The following ARSG variants were observed in gnomAD, a reference collection of about 807,000 sequenced individuals.
The protein encoded by ARSG is ASG.
In ARSG, 37 loss-of-function variants were observed where a neutral mutation model predicts 50.5. The ratio of observed to expected loss-of-function variants is 0.73; its 90% CI spans 0.56 to 0.96. The LOEUF (loss-of-function observed/expected upper bound fraction) is 0.96, where lower values mean the gene tolerates loss of function less well. Ranked by LOEUF, ARSG falls within the 50% of genes least tolerant of loss-of-function variation. ARSG has a pLI of 0.00. For synonymous variants in ARSG, 225 were observed against 254.6 expected (o/e 0.88, Z 1.11); for missense variants, 629 against 675.3 (o/e 0.93, Z 0.76).
rs146263957 is a variant in ARSG at position 68,343,652 on chromosome 17, T to A, written c.267T>A (p.Ala89=). The A allele has an allele frequency of 5.6e-6, 9 of 1,613,902 alleles. No individual in the cohort carries two copies. The African/African-American group carries it at 9.3e-5, about 17-fold the overall frequency. ...CCTCCACCTGCTCACCCTCCCGGGC[T>A]TCCTTGCTCACCGGCCGGCTTGGCC... ...AAASTCSPSR[A]SLLTGRLGLR... The change falls in exon 3 of 12, where the codon GCT becomes GCA. Residue 89 remains alanine, a synonymous_variant. Transcript: ENST00000621439.
At chr17:68,406,728 C>T (rs375513866) in intron 11 of ARSG, among the ~76,000 whole-genome samples, 1 of 151,964 alleles carries the variant, frequency 6.6e-6, no homozygotes, top group Admixed American at 6.6e-5. Context: ...GGTATTGTTT[C>T]TTTCTTGCTG....
At chr17:68,389,725 C>G (rs755010533) in intron 9 of ARSG, among the ~76,000 whole-genome samples, 1 of 152,114 alleles carries the variant, frequency 6.6e-6, no homozygotes, top group Non-Finnish European at 1.5e-5. Context: ...AAGCAAACCT[C>G]TCCTGCCTCT....
At chr17:68,435,084 G>C in the ARSG span, among the ~76,000 whole-genome samples, 1 of 152,044 alleles carries the variant, frequency 6.6e-6, no homozygotes, top group Non-Finnish European at 1.5e-5. Flanking sequence ...GCATGTGCCT[G>C]TAATCTCAGC....
chr17:68,348,131 C>T (rs971361247), intron 4 of ARSG, among the ~76,000 whole-genome samples: 1 of 152,184 alleles, frequency 6.6e-6, no homozygotes, highest in African/African-American at 2.4e-5. Flanking sequence ...CCCTCTCCTC[C>T]CTTGAGCCCC....
At chr17:68,336,165 C>G (rs747939693) in intron 2 of ARSG, among the ~76,000 whole-genome samples, 17 of 151,738 alleles carry the variant, frequency 1.1e-4, no homozygotes, top group Non-Finnish European at 2.4e-4. Flanking sequence ...TCCCAAAGTG[C>G]TGGGATTACA....
chr17:68,376,260 G>T (rs893943738), intron 8 of ARSG, among the ~76,000 whole-genome samples: 2 of 141,896 alleles, frequency 1.4e-5, no homozygotes, highest in Non-Finnish European at 3.0e-5. Context: ...ACAGGAGTGT[G>T]CCACTGCGCC....
At chr17:68,321,211 G>C (rs2077269998) in intron 2 of ARSG, among the ~76,000 whole-genome samples, 1 of 152,104 alleles carries the variant, frequency 6.6e-6, no homozygotes. Flanking sequence ...AAAAGAAAAA[G>C]AGTATAAATG....
intron 1 of ARSG, among the ~76,000 whole-genome samples, chr17:68,280,202 A>T (rs1311648076): frequency 2.1e-5 from 3 of 143,098 alleles, no homozygotes; most frequent in African/African-American, 5.3e-5. Context: ...AAAAAAAAAG[A>T]ATTATTTATA....
At chr17:68,325,066 A>G (rs1480551208) in intron 2 of ARSG, among the ~76,000 whole-genome samples, 1 of 152,154 alleles carries the variant, frequency 6.6e-6, no homozygotes, top group Non-Finnish European at 1.5e-5. Flanking sequence ...CCCCCAGGCC[A>G]CTGTACCAGT....
chr17:68,433,125 C>A, the ARSG span, among the ~76,000 whole-genome samples: 1 of 152,232 alleles, frequency 6.6e-6, no homozygotes, highest in East Asian at 1.9e-4. Context: ...GTGCCAGGCA[C>A]GATGCTGAAC....
chr17:68,389,497 C>T (rs1281260197), intron 9 of ARSG, among the ~76,000 whole-genome samples: 2 of 152,044 alleles, frequency 1.3e-5, no homozygotes, highest in African/African-American at 2.4e-5. Context: ...GGGATAATGA[C>T]AGGGAAGAAC....
At chr17:68,357,050 T>C (rs2079064970) in intron 6 of ARSG, among the ~76,000 whole-genome samples, 1 of 152,224 alleles carries the variant, frequency 6.6e-6, no homozygotes, top group South Asian at 2.1e-4. Flanking sequence ...TCTGTTGCTT[T>C]GATCACGTTC....
intron 6 of ARSG, among the ~76,000 whole-genome samples, chr17:68,357,459 A>T (rs1169546267): frequency 6.6e-6 from 1 of 152,110 alleles, no homozygotes; most frequent in Non-Finnish European, 1.5e-5. Context: ...GCTCCCACTT[A>T]CGATAGCACT....
intron 2 of ARSG, among the ~76,000 whole-genome samples, chr17:68,316,362 A>C (rs1242773259): frequency 1.3e-5 from 2 of 151,946 alleles, no homozygotes; most frequent in African/African-American, 4.8e-5. Flanking sequence ...TTCTTTGTTT[A>C]CTTCTTTGTT....
intron 10 of ARSG, among the ~76,000 whole-genome samples, chr17:68,396,855 GC>G (rs1189820905): frequency 6.6e-6 from 1 of 152,160 alleles, no homozygotes; most frequent in Non-Finnish European, 1.5e-5. Flanking sequence ...ACCCTTCCAG[GC>G]CTAGCCCTTC....
At chr17:68,326,600 G>A (rs550314291) in intron 2 of ARSG, among the ~76,000 whole-genome samples, 1 of 152,334 alleles carries the variant, frequency 6.6e-6, no homozygotes, top group South Asian at 2.1e-4. Flanking sequence ...GGGAGGCGGA[G>A]GTTGTGGTCA....
chr17:68,289,980 G>A (rs1164584735), upstream of ARSG, among the ~76,000 whole-genome samples: 1 of 152,172 alleles, frequency 6.6e-6, no homozygotes, highest in Admixed American at 6.5e-5. Flanking sequence ...CCCCAAAAAT[G>A]CCACATAACG....
intron 1 of ARSG, among the ~76,000 whole-genome samples, chr17:68,262,638 G>A (rs1326850897): frequency 6.6e-6 from 1 of 152,168 alleles, no homozygotes; most frequent in Non-Finnish European, 1.5e-5. Context: ...GGTGGGGGTG[G>A]CGTGTTCCAA....
intron 2 of ARSG, among the ~76,000 whole-genome samples, chr17:68,333,398 C>T (rs943011076): frequency 2.0e-5 from 3 of 151,922 alleles, no homozygotes; most frequent in South Asian, 2.1e-4. Context: ...GAGGCCAAGG[C>T]GGGCGGATCA....
Sources: gnomAD v4.1 joint callset for allele counts (sites outside exome capture counted in the v4.1 genomes callset) on GRCh38, gnomAD v4.1.1 for gene constraint, MANE v1.5 for transcripts, NCBI Gene and HGNC (gene_info 2026-07-23, HGNC 2026-07-21) for gene names.